HDAC2: variants seen among roughly 807,000 people sequenced by gnomAD.
HDAC2 encodes YY1-associated factor 1.
A neutral mutation model predicts 68.5 loss-of-function variants in HDAC2; 5 were observed. The ratio of observed to expected loss-of-function variants is 0.07; its 90% CI spans 0.04 to 0.15. The LOEUF (loss-of-function observed/expected upper bound fraction) is 0.15, where lower values mean the gene tolerates loss of function less well. Among genes scored for constraint, HDAC2 ranks in the 10% least tolerant of loss-of-function variants. HDAC2 has a pLI of 1.00. For missense variants in HDAC2, 291 were observed against 600.8 expected (o/e 0.48, Z 5.39); for synonymous variants, 182 against 191.3 (o/e 0.95, Z 0.40).
At chr6:113,959,097 A>G (rs1023449700) in intron 2 of HDAC2, among the ~76,000 whole-genome samples, 1 of 152,098 alleles carries the variant, frequency 6.6e-6, no homozygotes, top group African/African-American at 2.4e-5. Context: ...TAAAACATCC[A>G]GTGATTTCAT....
At chr6:113,941,128 A>G (rs751228330) in intron 13 of HDAC2, 40 bp from the exon 14 acceptor site, 2 of 1,561,632 alleles carry the variant, frequency 1.3e-6, no homozygotes, top group East Asian at 4.5e-5. Flanking sequence ...AAATGGCACA[A>G]TCTTGGTTTA....
intron 5 of HDAC2, 40 bp downstream of exon 5, chr6:113,955,973 A>G: frequency 6.9e-7 from 1 of 1,457,430 alleles, no homozygotes; most frequent in Admixed American, 2.1e-5. Flanking sequence ...TAATGAAAAC[A>G]CTTTATCACT....
In HDAC2 at chr6:113,958,699, C is replaced by A. The variant is rs771715712; in HGVS notation, c.233G>T (p.Arg78Leu). The change falls in exon 3 of 14, where the codon CGG becomes CTG. Residue 78 changes from arginine to leucine, a missense_variant. Arg to Leu is a moderately radical substitution (Grantham distance 102). Around this residue, in one of 2 missense-constraint regions of HDAC2, gnomAD observed 154 missense variants for 472.1 expected, o/e 0.33. Coordinates refer to ENST00000519065, the MANE Select transcript of HDAC2 (RefSeq NM_001527.4). ...YHSDEYIKFLRSIRPDNMSEY... is the reference protein window; with the variant it reads ...YHSDEYIKFLLSIRPDNMSEY... Reference sequence around the variant, plus strand: ...AGACATGTTATCTGGTCTTATTGACCGTAGAAATTTGATATACTCATCACT... The same window carrying A: ...AGACATGTTATCTGGTCTTATTGACAGTAGAAATTTGATATACTCATCACT... 6.2e-7 allele frequency: 1 copy of A among 1,608,172 alleles called. No homozygotes were observed. The highest frequency in any genetic ancestry group is 1.3e-5 in the African/African-American group (1 of 74,836).
At chr6:113,968,349 G>A (rs774317881) in intron 1 of HDAC2, 1 of 152,056 alleles carries the variant, frequency 6.6e-6, no homozygotes, top group Admixed American at 6.5e-5. Context: ...ACGATTCTTT[G>A]ATACAGAAGC....
chr6:113,951,764 G>A (rs1776425442), intron 6 of HDAC2, among the ~76,000 whole-genome samples: 1 of 152,138 alleles, frequency 6.6e-6, no homozygotes, highest in Non-Finnish European at 1.5e-5. Flanking sequence ...ACCGCGCCCG[G>A]CCCAGCGATT....
intron 12 of HDAC2, 50 bp downstream of exon 12, chr6:113,943,301 A>G (rs778911906): frequency 6.7e-7 from 1 of 1,487,730 alleles, no homozygotes; most frequent in South Asian, 1.3e-5. Flanking sequence ...AATGCAGCCC[A>G]ATTTTTAAAA....
chr6:113,962,154 A>G (rs1161817634), intron 1 of HDAC2, among the ~76,000 whole-genome samples: 2 of 152,156 alleles, frequency 1.3e-5, no homozygotes, highest in Non-Finnish European at 2.9e-5. Flanking sequence ...AGTACTTCAC[A>G]TATCTTTTAA....
intron 8 of HDAC2, 96 bp from the exon 9 acceptor site, chr6:113,946,244 C>A: frequency 1.1e-6 from 1 of 920,836 alleles, no homozygotes; most frequent in Non-Finnish European, 1.6e-6. Flanking sequence ...TGTTACTCAA[C>A]CAAAATGGGT....
intron 6 of HDAC2, 37 bp downstream of exon 6, chr6:113,953,240 A>T: frequency 6.6e-7 from 1 of 1,520,644 alleles, no homozygotes; most frequent in Non-Finnish European, 9.1e-7. Flanking sequence ...TCCTAGGTTC[A>T]TCTCACAATA....
In HDAC2 at chr6:113,953,376, A is replaced by G. The variant is rs949118117; in HGVS notation, c.540T>C (p.His180=). 4 of 1,565,106 alleles carry G rather than the reference A, an allele frequency of 2.6e-6. 1 individual carries two copies. The Admixed American group carries it at 5.0e-5, about 20-fold the overall frequency. ...AAAAAGCTTCTTCAACACCATCACC[A>G]TGATGAATATCTATATCAATATATA... ...RVLYIDIDIH[H]GDGVEEAFYT... Residue 180 remains histidine (H), a synonymous_variant, in exon 6 of 14, where the codon CAT becomes CAC. Coordinates refer to ENST00000519065, the MANE Select transcript of HDAC2 (RefSeq NM_001527.4).
chr6:113,952,409 C>T (rs1303476813), intron 6 of HDAC2, among the ~76,000 whole-genome samples: 1 of 152,190 alleles, frequency 6.6e-6, no homozygotes, highest in Non-Finnish European at 1.5e-5. Flanking sequence ...AAGTATCACA[C>T]TGTGATCTAA....
In HDAC2 at chr6:113,940,070, T is replaced by A. The variant is rs902003659; in HGVS notation, c.*988A>T. 6.6e-6 allele frequency: 1 copy of A among 152,212 alleles called. No individual in the cohort carries two copies. The highest frequency in any genetic ancestry group is 2.4e-5 in the African/African-American group (1 of 41,456). 9.4% of individuals were successfully genotyped at this position (152,212 alleles called of 1,614,324 possible). On this transcript the variant is annotated 3_prime_UTR_variant, in exon 14 of 14. Coordinates refer to ENST00000519065, the MANE Select transcript of HDAC2 (RefSeq NM_001527.4). ...TCTTAGTAGCAGGAGTTACCCCCAT[T>A]TGTCTGCTTCCTGCTACTAGAATGT...
intron 1 of HDAC2, among the ~76,000 whole-genome samples, chr6:113,967,144 G>GTAACT (rs1036564012): frequency 6.6e-6 from 1 of 152,052 alleles, no homozygotes; most frequent in African/African-American, 2.4e-5. Flanking sequence ...TATCATCTTG[G>GTAACT]TAACTTTTTT....
At chr6:113,956,807 A>T in intron 3 of HDAC2, 114 bp from the exon 4 acceptor site, 1 of 711,128 alleles carries the variant, frequency 1.4e-6, no homozygotes, top group Non-Finnish European at 2.5e-6. Flanking sequence ...CATCAAACAT[A>T]CACTTCACAG....
chr6:113,951,210 C>G (rs1236005239), intron 6 of HDAC2, among the ~76,000 whole-genome samples: 1 of 152,192 alleles, frequency 6.6e-6, no homozygotes, highest in Non-Finnish European at 1.5e-5. Flanking sequence ...CTTTCTTCCA[C>G]TAGACTACTT....
Position 113,946,005 on chromosome 6 carries a change from T to C in HDAC2, c.982+3A>G. On this transcript the variant is annotated splice_donor_region_variant and intron_variant, in intron 9 of 13. Transcript: ENST00000519065. ...ATAAAGATATTGTAATGAGAACACT[T>C]ACCATTGGGAATCTCACAATCAAGG... The C allele has an allele frequency of 6.2e-7, 1 of 1,608,646 alleles. No homozygotes were observed.
rs1419895940 is a variant in HDAC2, at chr6:113,970,945, C to T, written c.-37G>A. 2.6e-6 allele frequency: 4 copies of T among 1,544,138 alleles called. No individual in the cohort carries two copies. Among genetic ancestry groups the T allele is most frequent in the East Asian group, 2.4e-5 (1 of 40,918 alleles). On this transcript the variant is annotated 5_prime_UTR_variant, in exon 1 of 14. Transcript: ENST00000519065. ...CCACCGCCGCCACCGGGCTCCTCCT[C>T]CTGCTGCTGCTGCTGCTGCTGCTGC... is the stretch of plus-strand genomic sequence containing the variant.
At chr6:113,947,961 G>A (rs1208043752) in intron 8 of HDAC2, 1 of 152,020 alleles carries the variant, frequency 6.6e-6, no homozygotes, top group East Asian at 1.9e-4. Flanking sequence ...CTACCTAAAA[G>A]TTCACGTGGA....
intron 1 of HDAC2, among the ~76,000 whole-genome samples, chr6:113,960,491 C>T (rs1776658044): frequency 6.6e-6 from 1 of 151,876 alleles, no homozygotes; most frequent in Non-Finnish European, 1.5e-5. Flanking sequence ...ATATTAAAGC[C>T]CATCAGGGAA....
Sources: allele counts gnomAD v4.1 joint callset (sites outside exome capture counted in the v4.1 genomes callset), GRCh38; gene constraint gnomAD v4.1.1; regional missense constraint gnomAD v4.1.1; transcripts MANE v1.5; gene names NCBI Gene and HGNC (gene_info 2026-07-23, HGNC 2026-07-21).